Variants in FBN2 observed in about 807,000 individuals in gnomAD.
FBN2 encodes fibrillin-2.
A neutral mutation model predicts 355.6 loss-of-function variants in FBN2; 105 were observed. The observed-to-expected ratio is 0.30, with a 90% CI of 0.25 to 0.35. The LOEUF (loss-of-function observed/expected upper bound fraction) is 0.35. FBN2 is among the 10% of genes least tolerant of loss of function. The pLI, the probability that FBN2 is intolerant of heterozygous loss-of-function variation, is 1.00. For missense variants in FBN2, 3,280 were observed against 3,758.7 expected (o/e 0.87, Z 3.33); for synonymous variants, 1,350 against 1,301.2 (o/e 1.04, Z -0.81).
chr5:128,458,308 A>T (rs1043134104), intron 6 of FBN2, among the ~76,000 whole-genome samples: 1 of 152,034 alleles, frequency 6.6e-6, no homozygotes, highest in Non-Finnish European at 1.5e-5. Context: ...GATTCATAAA[A>T]CAAGTTATTA....
Position 128,349,999 on chromosome 5 carries a change from G to T in FBN2, c.2819C>A (p.Ala940Asp). 6.2e-7 allele frequency: 1 copy of T among 1,613,594 alleles called. No homozygotes were observed. The highest frequency in any genetic ancestry group is 8.5e-7 in the Non-Finnish European group (1 of 1,179,480). The change falls in exon 22 of 65, where the codon GCT becomes GAT. Residue 940 changes from alanine to aspartate, a missense_variant. Physicochemically the swap from Ala to Asp is moderately radical, Grantham distance 126. Around this residue, in one of 6 missense-constraint regions of FBN2, gnomAD observed 2,284 missense variants for 2,749.5 expected, o/e 0.83. Coordinates refer to ENST00000262464, the MANE Select transcript of FBN2 (RefSeq NM_001999.4). ...SPCERCELDT[A>D]CPRGLARIKG... ...AATCCTGGCAAGCCCTCTTGGGCAA[G>T]CTGTATCTGTAACAACAACAGGACA...
rs746327050 is a variant in FBN2 at position 128,374,658 on chromosome 5, C to T, written c.2065G>A (p.Ala689Thr). Residue 689 changes from alanine (A) to threonine (T), a missense_variant, in exon 15 of 65, where the codon GCT (alanine) becomes ACT (threonine). Around this residue, in one of 6 missense-constraint regions of FBN2, gnomAD observed 2,284 missense variants for 2,749.5 expected, o/e 0.83. Coordinates refer to ENST00000262464, the MANE Select transcript of FBN2 (RefSeq NM_001999.4). ...SFRCDCPPGL[A>T]VGMDGRVCVD... ...CACACACGTCCATCCATGCCCACAG[C>T]CAGGCCTGGGGGACAGTCACAGCGG... The T allele has an allele frequency of 1.9e-6, 3 of 1,613,976 alleles. No homozygotes were observed. Among genetic ancestry groups the T allele is most frequent in the Non-Finnish European group, 2.5e-6 (3 of 1,179,912 alleles).
chr5:128,288,427 A>C lies in FBN2; in HGVS notation c.6757+11T>G. On this transcript the variant is annotated intron_variant, in intron 53 of 64. Coordinates refer to ENST00000262464, the MANE Select transcript of FBN2 (RefSeq NM_001999.4). ...CAAGAAGAAATAATATTTAAGACAA[A>C]GATCACTTGCCTTCACAATTCATCA... 6.2e-7 allele frequency: 1 copy of C among 1,613,648 alleles called. No individual in the cohort carries two copies. The highest frequency in any genetic ancestry group is 8.5e-7 in the Non-Finnish European group (1 of 1,179,660).
chr5:128,341,347 G>T (rs1042888948), intron 25 of FBN2, among the ~76,000 whole-genome samples: 1 of 152,150 alleles, frequency 6.6e-6, no homozygotes, highest in Admixed American at 6.5e-5. Flanking sequence ...GGTTAACCTG[G>T]GTTGTGGCAG....
At chr5:128,462,064 C>T (rs992853947) in intron 6 of FBN2, among the ~76,000 whole-genome samples, 3 of 152,252 alleles carry the variant, frequency 2.0e-5, no homozygotes, top group Middle Eastern at 3.4e-3. Context: ...CCCTCATTTT[C>T]CACAGCTACT....
chr5:128,446,397 T>C (rs1754064206), intron 7 of FBN2, 84 bp downstream of exon 7: 2 of 1,376,412 alleles, frequency 1.5e-6, no homozygotes, highest in African/African-American at 1.4e-5. Flanking sequence ...TTGTGACCAG[T>C]AGTCTTCAAA....
At chr5:128,296,779 A>C (rs1086260) in intron 48 of FBN2, among the ~76,000 whole-genome samples, 105,905 of 151,060 alleles carry the variant, frequency 0.7, 37,239 homozygotes, top group East Asian at 0.86. Context: ...TGATCCTTTC[A>C]AAAAACCAGC....
intron 22 of FBN2, 140 bp from the exon 23 acceptor site, chr5:128,349,612 C>T: frequency 9.2e-7 from 1 of 1,092,430 alleles, no homozygotes; most frequent in South Asian, 1.4e-5. Flanking sequence ...AAATATTCCA[C>T]AACCGAGCCA....
At chr5:128,330,919 A>T (rs1338352524) in intron 32 of FBN2, among the ~76,000 whole-genome samples, 1 of 152,226 alleles carries the variant, frequency 6.6e-6, no homozygotes, top group African/African-American at 2.4e-5. Context: ...ATATCTAGTC[A>T]ACGTGAATTT....
At chr5:128,261,712 C>T in intron 64 of FBN2, 24 bp downstream of exon 64, 3 of 1,613,020 alleles carry the variant, frequency 1.9e-6, no homozygotes, top group Non-Finnish European at 2.5e-6. Flanking sequence ...AATTTTGTGG[C>T]AACACAGAGT....
At chr5:128,483,660 T>C (rs537879967) in intron 5 of FBN2, among the ~76,000 whole-genome samples, 1 of 151,994 alleles carries the variant, frequency 6.6e-6, no homozygotes, top group African/African-American at 2.4e-5. Context: ...TCAGGACACG[T>C]AAAATGTAAT....
Position 128,530,752 on chromosome 5 carries a change from A to C in FBN2, c.338-59T>G, listed in dbSNP as rs1174888644. On this transcript the variant is annotated intron_variant, in intron 2 of 64. Coordinates refer to ENST00000262464, the MANE Select transcript of FBN2 (RefSeq NM_001999.4). ...ACTATATAATAAACCATAGTTTACA[A>C]AACAAGAAAGCTGTATTTAAAAATA... The C allele has an allele frequency of 2.7e-6, 3 of 1,110,172 alleles. No individual in the cohort carries two copies. The Admixed American group carries it at 5.2e-5, about 19-fold the overall frequency. The allele number at this position is 1,110,172 out of a possible 1,614,324, so 68.8% of individuals were successfully genotyped here.
At chr5:128,528,622 AG>A (rs1176924304) in intron 3 of FBN2, among the ~76,000 whole-genome samples, 1 of 152,164 alleles carries the variant, frequency 6.6e-6, no homozygotes, top group Non-Finnish European at 1.5e-5. Context: ...TGAAGAATGG[AG>A]AGATTCCTGT....
chr5:128,536,201 G>A, intron 2 of FBN2, among the ~76,000 whole-genome samples: 1 of 152,194 alleles, frequency 6.6e-6, no homozygotes, highest in East Asian at 1.9e-4. Flanking sequence ...CCCTTCAACA[G>A]AGTCTAGAAG....
At chr5:128,430,008 T>C (rs1274357061) in intron 7 of FBN2, among the ~76,000 whole-genome samples, 1 of 152,154 alleles carries the variant, frequency 6.6e-6, no homozygotes, top group Non-Finnish European at 1.5e-5. Flanking sequence ...CTCTGAGACT[T>C]TTTTCACATA....
chr5:128,311,185 G>A (rs1750046463), intron 39 of FBN2, 115 bp downstream of exon 39: 2 of 1,056,724 alleles, frequency 1.9e-6, no homozygotes, highest in Admixed American at 3.8e-5. Context: ...AAAAAGCTAT[G>A]AACCAATCTT....
In FBN2 at chr5:128,439,699, A is replaced by AT. The variant is rs917021297; in HGVS notation, c.952+6781dup. 4.0e-5 allele frequency among the ~76,000 whole-genome samples: 6 copies of AT among 150,784 alleles called. 1 individual carries two copies. Among genetic ancestry groups the AT allele is most frequent in the Non-Finnish European group, 5.9e-5 (4 of 67,618 alleles). ...CATTTGTCTTTTTTTCTGGTTAGTA[A>AT]TTTTTTTTTCTTTTATTGCCATGTA... On this transcript the variant is annotated intron_variant, in intron 7 of 64. Transcript: ENST00000262464.
chr5:128,466,195 T>G (rs1754706513), intron 5 of FBN2, among the ~76,000 whole-genome samples: 1 of 152,220 alleles, frequency 6.6e-6, no homozygotes, highest in African/African-American at 2.4e-5. Context: ...TTATTCTCAT[T>G]TGCTATAAAA....
intron 62 of FBN2, among the ~76,000 whole-genome samples, chr5:128,266,748 C>T (rs1581174842): frequency 6.6e-6 from 1 of 151,814 alleles, no homozygotes; most frequent in African/African-American, 2.4e-5. Flanking sequence ...TGGAATTAAC[C>T]AACAAGTCCA....
Sources: gnomAD v4.1 joint callset for allele counts (sites outside exome capture counted in the v4.1 genomes callset) on GRCh38, gnomAD v4.1.1 for gene constraint, gnomAD v4.1.1 regional missense constraint, MANE v1.5 for transcripts, NCBI Gene and HGNC (gene_info 2026-07-23, HGNC 2026-07-21) for gene names.